The following GPATCH8 variants were observed in gnomAD, a reference collection of about 807,000 sequenced individuals.
GPATCH8 encodes the protein G-patch domain containing 8, also known as G patch domain-containing protein 8.
Under a neutral mutation model 118.3 loss-of-function variants are expected in GPATCH8, and 18 were observed. The observed-to-expected ratio is 0.15, with a 90% CI of 0.11 to 0.23. GPATCH8 has a LOEUF of 0.23. GPATCH8 is among the 10% of genes least tolerant of loss of function. The pLI is 1.00. For missense variants in GPATCH8, 1,631 were observed against 1,873.8 expected (o/e 0.87, Z 2.39); for synonymous variants, 659 against 684.7 (o/e 0.96, Z 0.59).
In GPATCH8 at chr17:44,401,441, A is replaced by G. The variant is rs767961871; in HGVS notation, c.636T>C (p.Ser212=). The G allele has an allele frequency of 1.9e-6, 3 of 1,604,078 alleles. No individual in the cohort carries two copies. The change falls in exon 8 of 8, where the codon AGT becomes AGC. Residue 212 remains serine, a synonymous_variant. Coordinates refer to ENST00000591680, the MANE Select transcript of GPATCH8 (RefSeq NM_001002909.4). ...QRKQAECAPG[S]GPMFKPTTVA... is the part of the protein sequence containing the mutation. ...CTGTGGTTGGTTTGAACATGGGACCACTTCCAGGTGCACTACATGATGATT... is the reference window on the plus strand; with the variant it reads ...CTGTGGTTGGTTTGAACATGGGACCGCTTCCAGGTGCACTACATGATGATT...
In GPATCH8 at chr17:44,416,279, G is replaced by A. The variant is rs751041185; in HGVS notation, c.492+8070C>T. Among the ~76,000 whole-genome samples the A allele has an allele frequency of 7.3e-4, 111 of 152,038 alleles. No individual in the cohort carries two copies. The Middle Eastern group carries it at 0.014, about 19-fold the overall frequency. On this transcript the variant is annotated intron_variant, in intron 6 of 7. Coordinates refer to ENST00000591680, the MANE Select transcript of GPATCH8 (RefSeq NM_001002909.4). ...ATCCACCTCGGCCTCCCAAAATGCCGGGAATACAGGCGTGAGCCACCATGC... is the reference window on the plus strand; with the variant it reads ...ATCCACCTCGGCCTCCCAAAATGCCAGGAATACAGGCGTGAGCCACCATGC...
In GPATCH8 at chr17:44,398,050, A is replaced by G. The variant is rs1371534208; in HGVS notation, c.4027T>C (p.Phe1343Leu). 3 of 1,613,962 alleles carry G rather than the reference A, an allele frequency of 1.9e-6. No homozygotes were observed. The South Asian group carries it at 3.3e-5, about 18-fold the overall frequency. Residue 1343 changes from phenylalanine to leucine, a missense_variant, in exon 8 of 8, where the codon TTT (phenylalanine) becomes CTT (leucine). By Grantham distance (22) the Phe-to-Leu change is conservative. Transcript: ENST00000591680. Reference sequence around the variant, plus strand: ...GGGGCCAGGGCAGCTGAGGCTGGAAAGGCCTTTACTTGCTTGGCCAGAAGC... The same window carrying G: ...GGGGCCAGGGCAGCTGAGGCTGGAAGGGCCTTTACTTGCTTGGCCAGAAGC... ...QQLLAKQVKA[F>L]PASAALAPAT...
At chr17:44,479,337 AT>A (rs1382667717) in intron 1 of GPATCH8, among the ~76,000 whole-genome samples, 1 of 152,248 alleles carries the variant, frequency 6.6e-6, no homozygotes, top group African/African-American at 2.4e-5. Flanking sequence ...CAAATAAGAC[AT>A]TTAACAAATT....
intron 1 of GPATCH8, among the ~76,000 whole-genome samples, chr17:44,494,217 T>C (rs1969494033): frequency 6.6e-6 from 1 of 152,120 alleles, no homozygotes; most frequent in Non-Finnish European, 1.5e-5. Flanking sequence ...ATCCTACCAA[T>C]TTTTCACCCT....
At chr17:44,493,183 C>A (rs1296903720) in intron 1 of GPATCH8, among the ~76,000 whole-genome samples, 1 of 151,906 alleles carries the variant, frequency 6.6e-6, no homozygotes, top group Non-Finnish European at 1.5e-5. Context: ...AGCCTCCCCT[C>A]CGCAGTAGGT....
At chr17:44,467,198 A>G (rs2051802417) in intron 2 of GPATCH8, 1 of 465,464 alleles carries the variant, frequency 2.1e-6, no homozygotes, top group African/African-American at 2.0e-5. Context: ...CTTGTTTTCA[A>G]TTCACTGCTT....
At chr17:44,456,024 G>C (rs895569086) in intron 3 of GPATCH8, among the ~76,000 whole-genome samples, 1 of 152,230 alleles carries the variant, frequency 6.6e-6, no homozygotes, top group Non-Finnish European at 1.5e-5. Context: ...TGGGATTACA[G>C]GCGTGAGCCA....
At chr17:44,424,937 A>C (rs751359573) in intron 5 of GPATCH8, among the ~76,000 whole-genome samples, 2 of 152,188 alleles carry the variant, frequency 1.3e-5, no homozygotes, top group African/African-American at 2.4e-5. Flanking sequence ...CTGCTTGGAA[A>C]GCCAACCCAC....
intron 6 of GPATCH8, among the ~76,000 whole-genome samples, chr17:44,407,779 C>T (rs113723956): frequency 7.9e-4 from 120 of 151,948 alleles, no homozygotes; most frequent in African/African-American, 2.7e-3. Flanking sequence ...GCGTTAGCCT[C>T]CCAAGTAGCT....
Position 44,398,881 on chromosome 17 carries a change from G to T in GPATCH8, c.3196C>A (p.Gln1066Lys), listed in dbSNP as rs1374564348. ...DDSKATGPPS[Q>K]NSNIGTGRGS... The stretch of plus-strand genomic sequence containing the variant: ...CTTCCTGTGCCAATGTTGCTGTTCT[G>T]GGAAGGTGGACCTGTTGCTTTACTG... The change falls in exon 8 of 8, where the codon CAG becomes AAG. Residue 1066 changes from glutamine (Q) to lysine (K), a missense_variant. Physicochemically the swap from Gln to Lys is moderately conservative, Grantham distance 53. This residue lies in a region of GPATCH8 where 922 missense variants were observed against 879.7 expected (regional missense o/e 1.05). Transcript: ENST00000591680. 1 of 1,613,814 alleles carries T rather than the reference G, an allele frequency of 6.2e-7. No homozygotes were observed. The highest frequency in any genetic ancestry group is 1.7e-5 in the Admixed American group (1 of 60,004).
At chr17:44,448,502 A>AG (rs2050973102) in intron 3 of GPATCH8, among the ~76,000 whole-genome samples, 9 of 104,062 alleles carry the variant, frequency 8.6e-5, no homozygotes, top group African/African-American at 2.8e-4. Flanking sequence ...AAAAAAAAAA[A>AG]AGGGGGGGGG....
chr17:44,503,223 G>C, intron 1 of GPATCH8, 103 bp downstream of exon 1: 1 of 1,094,290 alleles, frequency 9.1e-7, no homozygotes, highest in Admixed American at 2.0e-5. Context: ...TGGTTCGCAA[G>C]TCGGAGCAAA....
chr17:44,464,754 G>A, intron 2 of GPATCH8: 1 of 554,970 alleles, frequency 1.8e-6, no homozygotes, highest in Non-Finnish European at 3.2e-6. Flanking sequence ...AACATATGGG[G>A]TAAGGGTCCT....
At chr17:44,501,097 C>T (rs750855589) in intron 1 of GPATCH8, among the ~76,000 whole-genome samples, 46 of 152,066 alleles carry the variant, frequency 3.0e-4, no homozygotes, top group Non-Finnish European at 5.1e-4. Context: ...CCTATTTACC[C>T]AAAATGCTAG....
chr17:44,495,625 TATTTA>T (rs1969608621), intron 1 of GPATCH8, among the ~76,000 whole-genome samples: 1 of 152,242 alleles, frequency 6.6e-6, no homozygotes, highest in Non-Finnish European at 1.5e-5. Context: ...AACACTGTTT[TATTTA>T]ATTAAGTTTT....
chr17:44,420,038 GT>G (rs35137337), intron 6 of GPATCH8, among the ~76,000 whole-genome samples: 9,827 of 143,274 alleles, frequency 0.069, 985 homozygotes, highest in African/African-American at 0.23. Flanking sequence ...GTACTACATG[GT>G]TTTTTTTTTT....
Position 44,400,641 on chromosome 17 carries a change from T to G in GPATCH8, c.1436A>C (p.Lys479Thr). 6.2e-7 allele frequency: 1 copy of G among 1,613,802 alleles called. No homozygotes were observed. The highest frequency in any genetic ancestry group is 1.3e-5 in the African/African-American group (1 of 75,042). ...TCCTAAGGCCTTCTTTGCCTCAGCT[T>G]TGCTTCCTGGTTCTGAGGGCTCGGT... ...SMTEPSEPGS[K>T]AEAKKALGGD... Residue 479 changes from lysine (K) to threonine (T), a missense_variant, in exon 8 of 8, where the codon AAA becomes ACA. Lys to Thr is a moderately conservative substitution (Grantham distance 78). Transcript: ENST00000591680.
At chr17:44,468,184 G>T (rs1290111734) in intron 2 of GPATCH8, among the ~76,000 whole-genome samples, 1 of 151,700 alleles carries the variant, frequency 6.6e-6, no homozygotes, top group East Asian at 1.9e-4. Context: ...CGTTGGCCAG[G>T]CTGGTCTCAA....
chr17:44,411,486 G>C (rs772287733), intron 6 of GPATCH8, among the ~76,000 whole-genome samples: 2 of 152,066 alleles, frequency 1.3e-5, no homozygotes, highest in Admixed American at 1.3e-4. Context: ...TTACTTTCTC[G>C]AGTATTTAAA....
Sources: allele counts gnomAD v4.1 joint callset (sites outside exome capture counted in the v4.1 genomes callset), GRCh38; gene constraint gnomAD v4.1.1; regional missense constraint gnomAD v4.1.1; transcripts MANE v1.5; gene names NCBI Gene and HGNC (gene_info 2026-07-23, HGNC 2026-07-21).